Variants in ASTN2 observed in about 807,000 individuals in gnomAD.
ASTN2 encodes the protein astrotactin-2.
A neutral mutation model predicts 139.8 loss-of-function variants in ASTN2; 54 were observed. The observed-to-expected ratio is 0.39, with a 90% CI of 0.31 to 0.48. The LOEUF (loss-of-function observed/expected upper bound fraction) is 0.48, where lower values mean the gene tolerates loss of function less well. Among genes scored for constraint, ASTN2 ranks in the 20% least tolerant of loss-of-function variants. The probability of loss-of-function intolerance (pLI) is 0.95; values close to 1 mark genes in which losing one functional copy is unlikely to be tolerated. For synonymous variants in ASTN2, 756 were observed against 719.5 expected, an observed-to-expected ratio of 1.05 and a Z score of -0.81; for missense variants, 1,565 against 1,725.1, an observed-to-expected ratio of 0.91 and a Z score of 1.64.
chr9:117,303,890 A>G (rs1834936342), intron 1 of ASTN2, among the ~76,000 whole-genome samples: 1 of 152,220 alleles, frequency 6.6e-6, no homozygotes, highest in Non-Finnish European at 1.5e-5. Flanking sequence ...GAGATTTGAA[A>G]AGCGTTTATG....
At chr9:117,154,168 T>A (rs1214142628) in intron 3 of ASTN2, among the ~76,000 whole-genome samples, 1 of 152,028 alleles carries the variant, frequency 6.6e-6, no homozygotes, top group Admixed American at 6.6e-5. Context: ...TATAAATATG[T>A]CCTATTTCTC....
chr9:117,222,944 T>C (rs536654649), intron 2 of ASTN2, among the ~76,000 whole-genome samples: 1 of 151,808 alleles, frequency 6.6e-6, no homozygotes, highest in Non-Finnish European at 1.5e-5. Flanking sequence ...AGAAAACATA[T>C]ATGATAAGAT....
intron 2 of ASTN2, among the ~76,000 whole-genome samples, chr9:117,241,009 A>C (rs1833189889): frequency 6.6e-6 from 1 of 152,178 alleles, no homozygotes; most frequent in Non-Finnish European, 1.5e-5. Flanking sequence ...CTCTTTGTCC[A>C]TCGTAGAAGA....
chr9:116,706,861 A>G (rs546517610), intron 16 of ASTN2, among the ~76,000 whole-genome samples: 3 of 136,464 alleles, frequency 2.2e-5, no homozygotes, highest in East Asian at 4.4e-4. Flanking sequence ...AGCTTCTGTT[A>G]TAGATGTGCT....
At chr9:117,133,871 T>C (rs1226393990) in intron 4 of ASTN2, among the ~76,000 whole-genome samples, 2 of 152,076 alleles carry the variant, frequency 1.3e-5, no homozygotes, top group Admixed American at 6.6e-5. Context: ...AAAAAGCGCA[T>C]AGAGGTGGAG....
intron 1 of ASTN2, among the ~76,000 whole-genome samples, chr9:117,395,088 T>C (rs957399062): frequency 1.3e-5 from 2 of 152,134 alleles, no homozygotes; most frequent in African/African-American, 4.8e-5. Flanking sequence ...GAATGGCATC[T>C]AAAAGTCTAA....
intron 19 of ASTN2, among the ~76,000 whole-genome samples, chr9:116,552,677 C>T (rs1444990543): frequency 1.3e-5 from 2 of 152,182 alleles, no homozygotes; most frequent in African/African-American, 4.8e-5. Context: ...CCCAGTACTC[C>T]ACCAGCTAGA....
intron 13 of ASTN2, among the ~76,000 whole-genome samples, chr9:116,738,699 C>A (rs566272435): frequency 6.6e-6 from 1 of 152,232 alleles, no homozygotes; most frequent in Admixed American, 6.5e-5. Context: ...ACTTTATAGA[C>A]AAAGAAACAT....
intron 3 of ASTN2, among the ~76,000 whole-genome samples, chr9:117,203,753 T>G (rs1831814136): frequency 6.6e-6 from 1 of 152,264 alleles, no homozygotes; most frequent in Non-Finnish European, 1.5e-5. Flanking sequence ...CCTCTGACCT[T>G]GAGAGGCACC....
At chr9:117,269,300 C>T (rs898138045) in intron 2 of ASTN2, among the ~76,000 whole-genome samples, 3 of 152,204 alleles carry the variant, frequency 2.0e-5, no homozygotes, top group African/African-American at 7.2e-5. Context: ...ATGGCAGCAT[C>T]ATTAGCATAA....
In ASTN2 at chr9:117,230,865, A is replaced by G. The variant is rs1832870351; in HGVS notation, c.631-16123T>C. Among the ~76,000 whole-genome samples, 3 of 152,298 alleles carry G rather than the reference A, an allele frequency of 2.0e-5. No homozygotes were observed. The South Asian group carries it at 6.2e-4, about 32-fold the overall frequency. ...GGACTGAAAACAATACAAAATATACAATAAATCCTTTCTGACACAGTAAAC... is the reference window on the plus strand; with the variant it reads ...GGACTGAAAACAATACAAAATATACGATAAATCCTTTCTGACACAGTAAAC... On this transcript the variant is annotated intron_variant, in intron 2 of 22. Transcript: ENST00000313400.
intron 16 of ASTN2, chr9:116,701,153 A>G (rs543682671): frequency 1.8e-5 from 3 of 167,126 alleles, no homozygotes; most frequent in Non-Finnish European, 2.9e-5. Flanking sequence ...ATGGCAAGCC[A>G]AAGAGCAACT....
chr9:117,366,698 C>T (rs1012623254), intron 1 of ASTN2, among the ~76,000 whole-genome samples: 1 of 152,120 alleles, frequency 6.6e-6, no homozygotes, highest in African/African-American at 2.4e-5. Flanking sequence ...CCAAGGCTGC[C>T]CACTGTGCCG....
chr9:116,901,700 A>C (rs1834015234), intron 10 of ASTN2, among the ~76,000 whole-genome samples: 1 of 152,202 alleles, frequency 6.6e-6, no homozygotes, highest in South Asian at 2.1e-4. Context: ...TATACTATTG[A>C]TTGTTATTTT....
intron 1 of ASTN2, among the ~76,000 whole-genome samples, chr9:117,404,566 A>G (rs968130501): frequency 6.6e-6 from 1 of 152,214 alleles, no homozygotes; most frequent in Admixed American, 6.5e-5. Flanking sequence ...GTGTGTATGT[A>G]TGTATAATAT....
intron 1 of ASTN2, among the ~76,000 whole-genome samples, chr9:117,366,032 G>T (rs1033351831): frequency 6.6e-6 from 1 of 152,050 alleles, no homozygotes; most frequent in African/African-American, 2.4e-5. Context: ...ATTATCCAAG[G>T]CCTCTGTTCG....
At chr9:116,842,051 C>G (rs552177754) in intron 11 of ASTN2, among the ~76,000 whole-genome samples, 2 of 152,298 alleles carry the variant, frequency 1.3e-5, no homozygotes, top group African/African-American at 4.8e-5. Context: ...TTCCCTGAAC[C>G]ACATGGAGGT....
At chr9:116,632,696 C>G (rs1334699285) in intron 17 of ASTN2, among the ~76,000 whole-genome samples, 1 of 152,284 alleles carries the variant, frequency 6.6e-6, no homozygotes, top group East Asian at 1.9e-4. Flanking sequence ...TGCCTTTATT[C>G]TATCTTTAAT....
intron 7 of ASTN2, among the ~76,000 whole-genome samples, chr9:116,992,196 A>G (rs1822566640): frequency 6.6e-6 from 1 of 152,136 alleles, no homozygotes; most frequent in Non-Finnish European, 1.5e-5. Context: ...AAGCACCATT[A>G]TGGTAGTGTT....
Sources: allele counts gnomAD v4.1 joint callset (sites outside exome capture counted in the v4.1 genomes callset), GRCh38; gene constraint gnomAD v4.1.1; transcripts MANE v1.5; gene names NCBI Gene and HGNC (gene_info 2026-07-23, HGNC 2026-07-21).